Variants in CASZ1 observed in about 807,000 individuals in gnomAD.
The protein encoded by CASZ1 is zinc finger protein castor homolog 1.
CASZ1 carries 28 observed loss-of-function variants against 135.2 expected under a neutral mutation model. The observed-to-expected ratio is 0.21, with a 90% confidence interval of 0.15 to 0.28. The LOEUF is 0.28. Among genes scored for constraint, CASZ1 ranks in the 10% least tolerant of loss-of-function variants. The pLI, the probability that CASZ1 is intolerant of heterozygous loss-of-function variation, is 1.00. For synonymous variants in CASZ1, 1,068 were observed against 1,073.4 expected, an observed-to-expected ratio of 0.99 and a Z score of 0.10; for missense variants, 2,161 against 2,453.3, an observed-to-expected ratio of 0.88 and a Z score of 2.52.
chr1:10,743,604 CTT>C (rs542264646), intron 2 of CASZ1, among the ~76,000 whole-genome samples: 1 of 113,304 alleles, frequency 8.8e-6, no homozygotes, highest in Admixed American at 1.2e-4. Context: ...CTTTTCCTGC[CTT>C]TTTTTTTTTC....
chr1:10,780,004 C>T (rs78503375), intron 1 of CASZ1, among the ~76,000 whole-genome samples: 1 of 152,142 alleles, frequency 6.6e-6, no homozygotes, highest in Non-Finnish European at 1.5e-5. Flanking sequence ...CCCCGCCCAC[C>T]CTGAGCTGGG....
At position 10,767,261 on chromosome 1, in the gene CASZ1, A is replaced by T. The variant is rs1210182937; in HGVS notation, c.-233-6404T>A. ...CCCAGGAGATCAGCGATGTCCTCTG[A>T]CCCTTCCCTCTACCCAGGCAGGCAT... is the stretch of plus-strand genomic sequence containing the variant. On this transcript the variant is annotated intron_variant, in intron 1 of 20. Transcript: ENST00000377022. This position sits in a 1 kb window ranked among gnomAD's most constrained non-coding sequence, Gnocchi z 4.2. Among the ~76,000 whole-genome samples, 1 of 151,970 alleles carries T rather than the reference A, an allele frequency of 6.6e-6. No homozygotes were observed. The highest frequency in any genetic ancestry group is 6.5e-5 in the Admixed American group (1 of 15,268).
chr1:10,686,585 G>A (rs950153200), intron 4 of CASZ1, among the ~76,000 whole-genome samples: 5 of 152,184 alleles, frequency 3.3e-5, no homozygotes, highest in South Asian at 4.1e-4. Flanking sequence ...CCCCCAGGCC[G>A]TCTCAGCTCA....
chr1:10,720,580 G>A lies in CASZ1; in HGVS notation c.-76-15036C>T, dbSNP rs1480704571. ...CAGTCCCATTTGCCTATCAAAAACT[G>A]TACATTCGCTCGGCTTTCCACGGGA... On this transcript the variant is annotated intron_variant, in intron 2 of 20. Coordinates refer to ENST00000377022, the MANE Select transcript of CASZ1 (RefSeq NM_001079843.3). The surrounding 1 kb of genome is among the most constrained non-coding windows in gnomAD (Gnocchi z 5.7). Among the ~76,000 whole-genome samples the A allele has an allele frequency of 6.6e-6, 1 of 152,196 alleles. No homozygotes were observed. Among genetic ancestry groups the A allele is most frequent in the Non-Finnish European group, 1.5e-5 (1 of 68,032 alleles).
rs1018118101 is a variant in CASZ1 at position 10,665,490 on chromosome 1, G to T, written c.98C>A (p.Ala33Asp). 9 of 1,606,690 alleles carry T rather than the reference G, an allele frequency of 5.6e-6. No individual in the cohort carries two copies. The African/African-American group carries it at 1.2e-4, about 21-fold the overall frequency. ...CTGGCGGCTCAGCTTGGCGCAGATGGCGTTCAGCTTCAGGCCACCCTTGCG... is the reference window on the plus strand; with the variant it reads ...CTGGCGGCTCAGCTTGGCGCAGATGTCGTTCAGCTTCAGGCCACCCTTGCG... ...PKRKGGLKLN[A>D]ICAKLSRQVV... is the part of the protein sequence containing the mutation. The change falls in exon 5 of 21, where the codon GCC (alanine) becomes GAC (aspartate). Residue 33 changes from alanine to aspartate, a missense_variant. Ala to Asp is a moderately radical substitution (Grantham distance 126). Coordinates refer to ENST00000377022, the MANE Select transcript of CASZ1 (RefSeq NM_001079843.3).
intron 2 of CASZ1, among the ~76,000 whole-genome samples, chr1:10,745,389 C>A (rs1026083195): frequency 8.3e-6 from 1 of 120,718 alleles, no homozygotes; most frequent in African/African-American, 4.6e-5. Flanking sequence ...GCCACAGTAC[C>A]AGGGACACGA....
chr1:10,783,275 GTGTA>G (rs879448789), intron 1 of CASZ1, among the ~76,000 whole-genome samples: 1,990 of 136,554 alleles, frequency 0.015, 23 homozygotes, highest in Non-Finnish European at 0.02. Context: ...GTGTGTGTGT[GTGTA>G]TGTGTGTGTA....
intron 1 of CASZ1, among the ~76,000 whole-genome samples, chr1:10,770,928 C>A (rs2100593043): frequency 6.6e-6 from 1 of 152,370 alleles, no homozygotes; most frequent in East Asian, 1.9e-4. Context: ...AAGCCCCAGT[C>A]CCGCTGTCTG....
Position 10,649,808 on chromosome 1 carries a change from G to T in CASZ1, c.2881-371C>A, listed in dbSNP as rs546546547. ...GTTTTCAAAAGAAGCGCAGAAGGAG[G>T]AGGGATGGGGGAACCCCTACGAATT... On this transcript the variant is annotated intron_variant, in intron 13 of 20. Transcript: ENST00000377022. 183 of 175,726 alleles carry T rather than the reference G, an allele frequency of 1.0e-3. 1 individual carries two copies. Among genetic ancestry groups the T allele is most frequent in the African/African-American group, 4.0e-3 (170 of 42,522 alleles). 10.9% of individuals were successfully genotyped at this position (175,726 alleles called of 1,614,324 possible).
chr1:10,653,199 C>T, intron 11 of CASZ1, 178 bp downstream of exon 11: 1 of 701,926 alleles, frequency 1.4e-6, no homozygotes, highest in Non-Finnish European at 2.5e-6. Flanking sequence ...GAACCAGGGG[C>T]CCCACATAGA....
chr1:10,791,735 A>G (rs1340921109), intron 1 of CASZ1, among the ~76,000 whole-genome samples: 2 of 101,754 alleles, frequency 2.0e-5, no homozygotes, highest in Non-Finnish European at 5.0e-5. Flanking sequence ...GAGAGAGAGA[A>G]AAAGAGGGGG....
chr1:10,730,174 G>A (rs541076409), intron 2 of CASZ1, among the ~76,000 whole-genome samples: 162 of 148,440 alleles, frequency 1.1e-3, no homozygotes, highest in Non-Finnish European at 1.8e-3. Flanking sequence ...GCAGTGGTGT[G>A]ATCTCGGGTC....
In CASZ1 at chr1:10,657,685, CAG is replaced by C. The variant is rs1338568935; in HGVS notation, c.1409+821_1409+822del. ...ACAGAGCAGGACAGGGGATCGGAGA[CAG>C]AGTGGGACGTGGAGGCGGAGAGACA... On this transcript the variant is annotated intron_variant, in intron 7 of 20. Transcript: ENST00000377022. This position sits in a 1 kb window ranked among gnomAD's most constrained non-coding sequence, Gnocchi z 5.7. Among the ~76,000 whole-genome samples, 3 of 151,020 alleles carry C rather than the reference CAG, an allele frequency of 2.0e-5. No individual in the cohort carries two copies. The highest frequency in any genetic ancestry group is 4.4e-5 in the Non-Finnish European group (3 of 67,872).
intron 1 of CASZ1, among the ~76,000 whole-genome samples, chr1:10,775,908 G>T (rs1162885432): frequency 6.6e-6 from 1 of 152,004 alleles, no homozygotes; most frequent in Admixed American, 6.6e-5. Flanking sequence ...CACCCAATCA[G>T]GCCCCCAAGT....
Position 10,794,939 on chromosome 1 carries a change from C to T in CASZ1, c.-234+1625G>A, listed in dbSNP as rs1410886424. 1.1e-4 allele frequency among the ~76,000 whole-genome samples: 16 copies of T among 151,224 alleles called. No individual in the cohort carries two copies. In the South Asian group the frequency reaches 2.9e-3, roughly 27 times the overall value. ...CCAGCGGCCCCAGCGCGCCTCTGCC[C>T]GCACCTCGCCACCCCGGCGGCCGCC... On this transcript the variant is annotated intron_variant, in intron 1 of 20. Transcript: ENST00000377022. This position sits in a 1 kb window ranked among gnomAD's most constrained non-coding sequence, Gnocchi z 5.6.
At chr1:10,649,815 G>C (rs1328611677) in intron 13 of CASZ1, 1 of 175,590 alleles carries the variant, frequency 5.7e-6, no homozygotes, top group African/African-American at 2.4e-5. Flanking sequence ...GAGGAGGGAT[G>C]GGGGAACCCC....
intron 1 of CASZ1, among the ~76,000 whole-genome samples, chr1:10,778,495 AACAC>A (rs749411274): frequency 1.3e-5 from 2 of 152,022 alleles, no homozygotes; most frequent in East Asian, 1.9e-4. Context: ...CACAGTCTCA[AACAC>A]AGTCACTCAC....
At chr1:10,772,492 G>A (rs1640593543) in intron 1 of CASZ1, among the ~76,000 whole-genome samples, 1 of 152,148 alleles carries the variant, frequency 6.6e-6, no homozygotes, top group Non-Finnish European at 1.5e-5. Context: ...CTGCCATCCT[G>A]GAAAGGGCAG....
intron 2 of CASZ1, among the ~76,000 whole-genome samples, chr1:10,712,485 G>A (rs555151704): frequency 1.3e-5 from 2 of 152,320 alleles, no homozygotes; most frequent in East Asian, 3.9e-4. Context: ...CTGCTAGGGA[G>A]AGAAGGAATT....
Sources: allele counts gnomAD v4.1 joint callset (sites outside exome capture counted in the v4.1 genomes callset), GRCh38; gene constraint gnomAD v4.1.1; non-coding constraint Gnocchi (gnomAD v3.1); transcripts MANE v1.5; gene names NCBI Gene and HGNC (gene_info 2026-07-23, HGNC 2026-07-21).